The following ABLIM2 variants were observed in gnomAD, a reference collection of about 807,000 sequenced individuals.
The protein encoded by ABLIM2 is actin binding LIM protein family member 2, also known as actin-binding LIM protein 2.
ABLIM2 carries 53 observed loss-of-function variants against 97.7 expected under a neutral mutation model. The ratio of observed to expected loss-of-function variants is 0.54; its 90% CI spans 0.44 to 0.68. The LOEUF (loss-of-function observed/expected upper bound fraction) is 0.68. ABLIM2 is among the 30% of genes least tolerant of loss of function. The pLI, the probability that ABLIM2 is intolerant of heterozygous loss-of-function variation, is 0.00. For synonymous variants in ABLIM2, 361 were observed against 345.8 expected, an observed-to-expected ratio of 1.04 and a Z score of -0.49; for missense variants, 835 against 867.2, an observed-to-expected ratio of 0.96 and a Z score of 0.47.
rs140479135 is a variant in ABLIM2, at chr4:8,120,246, C to T, written c.11-13609G>A. 3.3e-3 allele frequency among the ~76,000 whole-genome samples: 500 copies of T among 152,242 alleles called. 3 individuals carry two copies. The highest frequency in any genetic ancestry group is 4.1e-3 in the Non-Finnish European group (280 of 68,014). On this transcript the variant is annotated intron_variant, in intron 1 of 20. Transcript: ENST00000447017. This position sits in a 1 kb window ranked among gnomAD's most constrained non-coding sequence, Gnocchi z 5.6. ...CTCGAGCCATCTCTGTGGGCTGAAC[C>T]GGGACCCCCAGATGCCCACGTTGAA...
chr4:8,024,078 C>T (rs553363658), intron 12 of ABLIM2, among the ~76,000 whole-genome samples: 8 of 152,328 alleles, frequency 5.3e-5, no homozygotes, highest in Admixed American at 2.0e-4. Flanking sequence ...AATGGCCGCT[C>T]AGCAAGATGA....
rs748256043 is a variant in ABLIM2 at position 8,054,190 on chromosome 4, T to C, written c.820A>G (p.Lys274Glu). The C allele has an allele frequency of 6.2e-7, 1 of 1,614,006 alleles. No homozygotes were observed. Among genetic ancestry groups the C allele is most frequent in the Non-Finnish European group, 8.5e-7 (1 of 1,179,884 alleles). Residue 274 changes from lysine (K) to glutamate (E), a missense_variant and splice_region_variant, in exon 8 of 21, where the codon AAG (lysine) becomes GAG (glutamate). By Grantham distance (56) the Lys-to-Glu change is moderately conservative. Coordinates refer to ENST00000447017, the MANE Select transcript of ABLIM2 (RefSeq NM_001130083.2). The surrounding 1 kb of genome is among the most constrained non-coding windows in gnomAD (Gnocchi z 4.9). ...AGACACCAGTGAATGCCACCAACCT[T>C]GTTTCTGTCTTCAGTTCTGGCTGCT... is the stretch of plus-strand genomic sequence containing the variant. Reference protein sequence around the residue: ...RQAARTEDRNKETRTSSESII... With the variant: ...RQAARTEDRNEETRTSSESII...
chr4:8,104,884 C>A (rs1836471492), intron 2 of ABLIM2, among the ~76,000 whole-genome samples: 1 of 152,202 alleles, frequency 6.6e-6, no homozygotes, highest in African/African-American at 2.4e-5. Context: ...ACTGCGCCTG[C>A]AGACATGAAC....
intron 7 of ABLIM2, among the ~76,000 whole-genome samples, chr4:8,055,481 G>C (rs946004064): frequency 1.7e-4 from 26 of 152,292 alleles, no homozygotes; most frequent in Non-Finnish European, 3.2e-4. Flanking sequence ...CCTGTGATGG[G>C]CTGGCACTGC....
intron 20 of ABLIM2, among the ~76,000 whole-genome samples, chr4:7,969,798 G>A (rs943050591): frequency 2.7e-5 from 4 of 145,860 alleles, no homozygotes; most frequent in African/African-American, 5.0e-5. Context: ...CCAGGAAGAG[G>A]CCCTCAGCCG....
At chr4:8,077,878 C>T (rs1182701703) in intron 5 of ABLIM2, among the ~76,000 whole-genome samples, 157 bp from the exon 6 acceptor site, 1 of 152,248 alleles carries the variant, frequency 6.6e-6, no homozygotes, top group Non-Finnish European at 1.5e-5. Context: ...TGTCATTGGG[C>T]TCTCACAGAC....
intron 1 of ABLIM2, among the ~76,000 whole-genome samples, chr4:8,154,252 G>A (rs565182563): frequency 1.9e-4 from 27 of 145,480 alleles, no homozygotes; most frequent in African/African-American, 4.6e-4. Context: ...GTGAGCCACC[G>A]CACCCAGCCA....
chr4:8,157,512 C>G (rs898975681), intron 1 of ABLIM2, among the ~76,000 whole-genome samples: 2 of 152,262 alleles, frequency 1.3e-5, no homozygotes, highest in Non-Finnish European at 2.9e-5. Flanking sequence ...CCCGGCAACG[C>G]CGTCCCTCCT....
rs896970835 is a variant in ABLIM2, at chr4:7,999,874, C to G, written c.1619-6947G>C. On this transcript the variant is annotated intron_variant, in intron 16 of 20. Transcript: ENST00000447017. The surrounding 1 kb of genome is among the most constrained non-coding windows in gnomAD (Gnocchi z 4.4). ...CCCTCAGCACCCCGCCAGGCCTGCT[C>G]TTGGGGCCCTGAGCCTCTTCTCCAC... 1.5e-4 allele frequency among the ~76,000 whole-genome samples: 23 copies of G among 152,222 alleles called. No individual in the cohort carries two copies. Among genetic ancestry groups the G allele is most frequent in the South Asian group, 1.0e-3 (5 of 4,834 alleles).
rs1212957609 is a variant in ABLIM2, at chr4:8,122,528, C to T, written c.11-15891G>A. 6.6e-6 allele frequency among the ~76,000 whole-genome samples: 1 copy of T among 152,206 alleles called. No individual in the cohort carries two copies. The highest frequency in any genetic ancestry group is 1.5e-5 in the Non-Finnish European group (1 of 68,032). ...GTGTCCTCACAAGGCAGAGAGCGCG[C>T]TCTGGGCAGGAGTCCCATCATGAGG... is the stretch of plus-strand genomic sequence containing the variant. On this transcript the variant is annotated intron_variant, in intron 1 of 20. Transcript: ENST00000447017. The surrounding 1 kb of genome is among the most constrained non-coding windows in gnomAD (Gnocchi z 4.1).
chr4:7,998,988 G>A lies in ABLIM2; in HGVS notation c.1619-6061C>T, dbSNP rs1465234607. On this transcript the variant is annotated intron_variant, in intron 16 of 20. Coordinates refer to ENST00000447017, the MANE Select transcript of ABLIM2 (RefSeq NM_001130083.2). This position sits in a 1 kb window ranked among gnomAD's most constrained non-coding sequence, Gnocchi z 6.4. ...GTCTGGACTCCTGAAGTTGGTCTCT[G>A]TTGGGGTGGACCAGCAATCTGTAGA... 1.3e-5 allele frequency among the ~76,000 whole-genome samples: 2 copies of A among 152,260 alleles called. No homozygotes were observed. Among genetic ancestry groups the A allele is most frequent in the African/African-American group, 4.8e-5 (2 of 41,480 alleles).
chr4:8,036,709 AC>A (rs1235501568), intron 9 of ABLIM2, among the ~76,000 whole-genome samples: 1 of 152,132 alleles, frequency 6.6e-6, no homozygotes, highest in African/African-American at 2.4e-5. Context: ...AAATGATCAC[AC>A]CCGAAGGCTC....
chr4:8,030,901 G>A (rs1485987593), intron 10 of ABLIM2, among the ~76,000 whole-genome samples: 3 of 152,212 alleles, frequency 2.0e-5, no homozygotes, highest in Non-Finnish European at 4.4e-5. Context: ...GGCTCTGCAG[G>A]TGGGCCATGT....
Position 7,984,827 on chromosome 4 carries a change from CGCTCTGTGT to C in ABLIM2, c.1735+3_1735+11del. 1 of 1,590,520 alleles carries C rather than the reference CGCTCTGTGT, an allele frequency of 6.3e-7. No individual in the cohort carries two copies. The highest frequency in any genetic ancestry group is 8.6e-7 in the Non-Finnish European group (1 of 1,168,798). On this transcript the variant is annotated splice_donor_5th_base_variant and intron_variant, in intron 18 of 20. Coordinates refer to ENST00000447017, the MANE Select transcript of ABLIM2 (RefSeq NM_001130083.2). ...CCCAGCCAGAGACCCACAGGGTCCC[CGCTCTGTGT>C]ACCTCGCATGCCCCAGCTGGCATCC... is the stretch of plus-strand genomic sequence containing the variant.
chr4:8,120,005 G>A lies in ABLIM2; in HGVS notation c.11-13368C>T, dbSNP rs1356149368. Among the ~76,000 whole-genome samples the A allele has an allele frequency of 6.6e-6, 1 of 152,168 alleles. No homozygotes were observed. The highest frequency in any genetic ancestry group is 1.5e-5 in the Non-Finnish European group (1 of 68,022). On this transcript the variant is annotated intron_variant, in intron 1 of 20. Transcript: ENST00000447017. The surrounding 1 kb of genome is among the most constrained non-coding windows in gnomAD (Gnocchi z 5.6). ...CCTGTGATTTCCCTATTTTGAGGCAGGGGTCCATGAGGACAAAGTCACTCT... is the reference window on the plus strand; with the variant it reads ...CCTGTGATTTCCCTATTTTGAGGCAAGGGTCCATGAGGACAAAGTCACTCT...
intron 14 of ABLIM2, among the ~76,000 whole-genome samples, chr4:8,013,622 T>C (rs754622684): frequency 1.3e-5 from 2 of 152,212 alleles, no homozygotes; most frequent in Non-Finnish European, 2.9e-5. Context: ...TAAGGTCACA[T>C]AGCTGGTGAT....
intron 1 of ABLIM2, among the ~76,000 whole-genome samples, chr4:8,115,868 C>T (rs1842563770): frequency 6.6e-6 from 1 of 152,212 alleles, no homozygotes; most frequent in South Asian, 2.1e-4. Context: ...TTCTGCCTTG[C>T]TTTCTTAGGA....
At chr4:8,114,753 C>T (rs946942092) in intron 1 of ABLIM2, among the ~76,000 whole-genome samples, 1 of 151,834 alleles carries the variant, frequency 6.6e-6, no homozygotes, top group African/African-American at 2.4e-5. Context: ...GGCACTCTCT[C>T]CTTGCCAAGA....
At chr4:8,073,112 G>T (rs1188249178) in intron 6 of ABLIM2, among the ~76,000 whole-genome samples, 1 of 151,598 alleles carries the variant, frequency 6.6e-6, no homozygotes, top group African/African-American at 2.4e-5. Flanking sequence ...CACTGGAGGG[G>T]AAGCCCTGGC....
Sources: gnomAD v4.1 joint callset for allele counts (sites outside exome capture counted in the v4.1 genomes callset) on GRCh38, gnomAD v4.1.1 for gene constraint, Gnocchi (gnomAD v3.1) non-coding constraint, MANE v1.5 for transcripts, NCBI Gene and HGNC (gene_info 2026-07-23, HGNC 2026-07-21) for gene names.